DRC9: variants seen among roughly 807,000 people sequenced by gnomAD.
DRC9 encodes dynein regulatory complex protein 9.
chr3:197,895,123 TTC>T, the DRC9 span, among the ~76,000 whole-genome samples: 1 of 152,070 alleles, frequency 6.6e-6, no homozygotes, highest in Non-Finnish European at 1.5e-5. Flanking sequence ...CTCTTACATC[TTC>T]TCTTTCTTCC....
chr3:197,914,474 C>G, the DRC9 span, among the ~76,000 whole-genome samples: 1 of 152,190 alleles, frequency 6.6e-6, no homozygotes, highest in East Asian at 1.9e-4. Flanking sequence ...TGAAGTATCT[C>G]AGAGAGTGAT....
chr3:197,921,381 C>T, the DRC9 span, among the ~76,000 whole-genome samples: 5 of 27,614 alleles, frequency 1.8e-4, no homozygotes, highest in Admixed American at 3.8e-4. Flanking sequence ...GGGGATTTAA[C>T]TTGGTTTCTT....
At chr3:197,935,832 T>C in the DRC9 span, among the ~76,000 whole-genome samples, 1 of 152,172 alleles carries the variant, frequency 6.6e-6, no homozygotes, top group African/African-American at 2.4e-5. Context: ...CTGTTTCTGC[T>C]TTCTTCAGCC....
the DRC9 span, among the ~76,000 whole-genome samples, chr3:197,920,030 T>C: frequency 7.4e-6 from 1 of 135,382 alleles, no homozygotes; most frequent in Non-Finnish European, 1.5e-5. Context: ...TGAAACCCCA[T>C]CTCTACTAAA....
At chr3:197,897,144 A>C in the DRC9 span, among the ~76,000 whole-genome samples, 3 of 152,204 alleles carry the variant, frequency 2.0e-5, no homozygotes, top group Non-Finnish European at 4.4e-5. Flanking sequence ...AAATTGTAAA[A>C]AAAAAACTAT....
the DRC9 span, chr3:197,945,785 C>T: frequency 2.7e-5 from 16 of 599,204 alleles, no homozygotes; most frequent in Admixed American, 6.8e-5. Flanking sequence ...TAAATGATTA[C>T]GGGAGCTGTG....
chr3:197,939,358 G>A, the DRC9 span, among the ~76,000 whole-genome samples: 1 of 152,224 alleles, frequency 6.6e-6, no homozygotes, highest in Non-Finnish European at 1.5e-5. Flanking sequence ...GTGGTGTGGT[G>A]TAGACTTTGA....
the DRC9 span, among the ~76,000 whole-genome samples, chr3:197,937,004 G>T: frequency 1.3e-5 from 2 of 152,194 alleles, no homozygotes; most frequent in Non-Finnish European, 2.9e-5. Flanking sequence ...TAAATATTCG[G>T]CTTTGCAGGG....
At chr3:197,930,080 C>G in the DRC9 span, among the ~76,000 whole-genome samples, 4 of 152,172 alleles carry the variant, frequency 2.6e-5, no homozygotes, top group East Asian at 7.7e-4. Context: ...GAAGGCCAGG[C>G]ACGGTGGTTC....
the DRC9 span, chr3:197,951,039 T>A: frequency 6.2e-7 from 1 of 1,604,262 alleles, no homozygotes; most frequent in Admixed American, 1.7e-5. Flanking sequence ...AAATGCGAGC[T>A]TAAAATTGGC....
chr3:197,950,171 C>A, the DRC9 span: 1 of 1,231,750 alleles, frequency 8.1e-7, no homozygotes, highest in Non-Finnish European at 1.0e-6. Flanking sequence ...CCCACAAGGC[C>A]ACGCGGCGGG....
the DRC9 span, among the ~76,000 whole-genome samples, chr3:197,940,176 A>C: frequency 1.3e-5 from 2 of 151,782 alleles, no homozygotes; most frequent in African/African-American, 2.4e-5. Context: ...TTGTATTTTT[A>C]GTAGAGATGA....
chr3:197,893,194 C>T, the DRC9 span, among the ~76,000 whole-genome samples: 2 of 151,738 alleles, frequency 1.3e-5, no homozygotes, highest in Non-Finnish European at 2.9e-5. Flanking sequence ...CCCGTCTCTA[C>T]TAAAAATACA....
At chr3:197,925,728 C>T in the DRC9 span, among the ~76,000 whole-genome samples, 1 of 151,778 alleles carries the variant, frequency 6.6e-6, no homozygotes, top group Admixed American at 6.6e-5. Flanking sequence ...GGATTACGGG[C>T]ACCTGCCACC....
the DRC9 span, chr3:197,892,514 T>C: frequency 7.6e-7 from 1 of 1,318,680 alleles, no homozygotes; most frequent in South Asian, 1.4e-5. Flanking sequence ...GTGAGCACCC[T>C]GATTCCTTCC....
chr3:197,925,468 G>A, the DRC9 span, among the ~76,000 whole-genome samples: 5 of 151,532 alleles, frequency 3.3e-5, no homozygotes, highest in African/African-American at 1.2e-4. Context: ...GGGTGTATGT[G>A]GTGGGATACG....
chr3:197,946,240 C>G, the DRC9 span, among the ~76,000 whole-genome samples: 2 of 151,870 alleles, frequency 1.3e-5, no homozygotes, highest in Non-Finnish European at 1.5e-5. Flanking sequence ...TCGAGACCAT[C>G]CTGGCTAACA....
At chr3:197,960,165 T>A in the DRC9 span, 2 of 1,472,038 alleles carry the variant, frequency 1.4e-6, no homozygotes, top group Non-Finnish European at 1.8e-6. Context: ...GGGCCCTCCG[T>A]CTACCCCCAG....
At chr3:197,938,043 C>T in the DRC9 span, among the ~76,000 whole-genome samples, 5 of 151,940 alleles carry the variant, frequency 3.3e-5, no homozygotes, top group South Asian at 4.2e-4. Flanking sequence ...GGGCCGGGCG[C>T]GGTGGCTCAC....
Sources: gnomAD v4.1 joint callset for allele counts (sites outside exome capture counted in the v4.1 genomes callset) on GRCh38, gnomAD v4.1.1 for gene constraint, MANE v1.5 for transcripts, NCBI Gene and HGNC (gene_info 2026-07-23, HGNC 2026-07-21) for gene names.